DPY19L2: variants seen among roughly 807,000 people sequenced by gnomAD.
The protein encoded by DPY19L2 is probable C-mannosyltransferase DPY19L2.
In DPY19L2, 34 loss-of-function variants were observed where a neutral mutation model predicts 97.9. That is an observed-to-expected ratio of 0.35 (90% confidence interval 0.26 to 0.46). The LOEUF is 0.46. DPY19L2 is among the 20% of genes least tolerant of loss of function. The probability of loss-of-function intolerance (pLI) is 1.00; values close to 1 mark genes in which losing one functional copy is unlikely to be tolerated. For missense variants in DPY19L2, 623 were observed against 911.4 expected (o/e 0.68, Z 4.07); for synonymous variants, 230 against 307.9 (o/e 0.75, Z 2.65).
At chr12:63,652,153 A>G (rs1448369471) in intron 4 of DPY19L2, among the ~76,000 whole-genome samples, 4 of 152,202 alleles carry the variant, frequency 2.6e-5, no homozygotes, top group Non-Finnish European at 5.9e-5. Context: ...TCAAAATCAG[A>G]TATTTATGTG....
chr12:63,665,884 T>C (rs892418199), intron 1 of DPY19L2, 25 bp from the exon 2 acceptor site: 16 of 1,570,252 alleles, frequency 1.0e-5, no homozygotes, highest in Non-Finnish European at 1.2e-5. Context: ...AAAAGGAAAG[T>C]CATTAATAGC....
At chr12:63,629,311 A>C (rs1245230087) in intron 6 of DPY19L2, among the ~76,000 whole-genome samples, 1 of 151,838 alleles carries the variant, frequency 6.6e-6, no homozygotes, top group Admixed American at 6.6e-5. Context: ...GAAGTTAAAA[A>C]CCTTGAAAAA....
Position 63,583,830 on chromosome 12 carries a change from C to G in DPY19L2, c.1587G>C (p.Gln529His), listed in dbSNP as rs150872693. ...VLATNIYLRK[Q>H]LLEHSELAFH... is the part of the protein sequence containing the mutation. ...GCTTTACCTCACTGTGTTCAAGGAG[C>G]TGTTTTCTAGAATAAAACAAAAATA... The change falls in exon 17 of 22, where the codon CAG (glutamine) becomes CAC (histidine). Residue 529 changes from glutamine to histidine, a missense_variant. Gln to His is a conservative substitution (Grantham distance 24). This residue lies in a region of DPY19L2 where 294 missense variants were observed against 446.2 expected (regional missense o/e 0.66). Coordinates refer to ENST00000324472, the MANE Select transcript of DPY19L2 (RefSeq NM_173812.5). The G allele has an allele frequency of 1.2e-6, 2 of 1,610,794 alleles. No homozygotes were observed. The highest frequency in any genetic ancestry group is 1.3e-5 in the African/African-American group (1 of 74,824).
chr12:63,636,301 C>T (rs551064799), intron 6 of DPY19L2, among the ~76,000 whole-genome samples: 326 of 152,230 alleles, frequency 2.1e-3, no homozygotes, highest in African/African-American at 7.6e-3. Context: ...AAGGAACAAC[C>T]GATACCAGCC....
At position 63,584,337 on chromosome 12, in the gene DPY19L2, AGTT is replaced by A. The variant is rs201207106; in HGVS notation, c.1581-504_1581-502del. ...ACATAAATATTTTTAGTTTCAGAAA[AGTT>A]GTCCCTTTACAAAATATTTATAGTA... On this transcript the variant is annotated intron_variant, in intron 16 of 21. Transcript: ENST00000324472. Among the ~76,000 whole-genome samples the A allele has an allele frequency of 9.9e-3, 1,500 of 152,272 alleles. 17 individuals are homozygous for A. The highest frequency in any genetic ancestry group is 0.034 in the African/African-American group (1,407 of 41,554).
chr12:63,663,725 C>T (rs1423278213), intron 3 of DPY19L2, 33 bp downstream of exon 3: 1 of 1,562,846 alleles, frequency 6.4e-7, no homozygotes, highest in Non-Finnish European at 8.7e-7. Context: ...ATTCTTAAAC[C>T]ACAAATTAAT....
intron 16 of DPY19L2, among the ~76,000 whole-genome samples, 157 bp downstream of exon 16, chr12:63,593,930 A>G (rs1883643650): frequency 6.6e-6 from 1 of 152,184 alleles, no homozygotes; most frequent in Admixed American, 6.5e-5. Flanking sequence ...AATCTGTAAG[A>G]ATAATATTTT....
chr12:63,589,460 T>C (rs1373434062), intron 16 of DPY19L2, among the ~76,000 whole-genome samples: 1 of 129,030 alleles, frequency 7.8e-6, no homozygotes, highest in East Asian at 2.4e-4. Flanking sequence ...TCAAGTACAA[T>C]GAGAATTGAT....
chr12:63,568,236 C>G lies in DPY19L2; in HGVS notation c.2126+988G>C, dbSNP rs372452587. ...TCTATCTTCAAATTCACTGCATTTTCTGTTCAAATGTTCTGTTTTCATCTC... is the reference window on the plus strand; with the variant it reads ...TCTATCTTCAAATTCACTGCATTTTGTGTTCAAATGTTCTGTTTTCATCTC... On this transcript the variant is annotated intron_variant, in intron 21 of 21. Coordinates refer to ENST00000324472, the MANE Select transcript of DPY19L2 (RefSeq NM_173812.5). Among the ~76,000 whole-genome samples, 21 of 152,048 alleles carry G rather than the reference C, an allele frequency of 1.4e-4. 1 individual carries two copies. In the South Asian group the frequency reaches 4.1e-3, roughly 30 times the overall value.
At chr12:63,610,592 A>ATAAC (rs1474899768) in intron 11 of DPY19L2, among the ~76,000 whole-genome samples, 2 of 151,504 alleles carry the variant, frequency 1.3e-5, no homozygotes, top group Non-Finnish European at 1.5e-5. Context: ...CAACAGATCT[A>ATAAC]TAACTAATAA....
chr12:63,604,977 GCAGA>G (rs1199216509), intron 12 of DPY19L2, among the ~76,000 whole-genome samples: 1 of 152,060 alleles, frequency 6.6e-6, no homozygotes, highest in African/African-American at 2.4e-5. Context: ...TTCTATTTCA[GCAGA>G]CAGTCACTTT....
chr12:63,581,557 C>T (rs1171669425), intron 18 of DPY19L2, among the ~76,000 whole-genome samples: 2 of 143,422 alleles, frequency 1.4e-5, no homozygotes, highest in African/African-American at 5.2e-5. Flanking sequence ...GACCTCAGCT[C>T]ACTTCGACCT....
At chr12:63,572,754 T>C (rs1343052479) in intron 19 of DPY19L2, among the ~76,000 whole-genome samples, 3 of 151,830 alleles carry the variant, frequency 2.0e-5, no homozygotes, top group Non-Finnish European at 2.9e-5. Flanking sequence ...AGAGACTCCA[T>C]ATGGGAGAGA....
At chr12:63,616,810 C>T (rs555295202) in intron 11 of DPY19L2, among the ~76,000 whole-genome samples, 2 of 152,230 alleles carry the variant, frequency 1.3e-5, no homozygotes, top group Non-Finnish European at 2.9e-5. Flanking sequence ...GTCACACCAT[C>T]GTTTGAGCAA....
intron 4 of DPY19L2, among the ~76,000 whole-genome samples, chr12:63,656,101 ACTGT>A (rs1285180874): frequency 6.6e-6 from 1 of 152,102 alleles, no homozygotes; most frequent in Non-Finnish European, 1.5e-5. Flanking sequence ...AAATTTGAAG[ACTGT>A]CTGGCTTTTG....
chr12:63,665,039 C>T (rs1365824777), intron 2 of DPY19L2, among the ~76,000 whole-genome samples: 2 of 137,700 alleles, frequency 1.5e-5, no homozygotes, highest in African/African-American at 7.1e-5. Context: ...TTTTTATAAA[C>T]ACTTTTGTAA....
At chr12:63,624,503 G>T (rs2137837432) in intron 7 of DPY19L2, among the ~76,000 whole-genome samples, 1 of 152,172 alleles carries the variant, frequency 6.6e-6, no homozygotes, top group African/African-American at 2.4e-5. Context: ...ATATATGCAT[G>T]CCAAGACAAA....
intron 6 of DPY19L2, among the ~76,000 whole-genome samples, chr12:63,636,150 A>G (rs1036251368): frequency 2.0e-5 from 3 of 152,166 alleles, no homozygotes; most frequent in African/African-American, 7.2e-5. Flanking sequence ...AGAATTTTCA[A>G]CCCAGAATTT....
intron 21 of DPY19L2, among the ~76,000 whole-genome samples, chr12:63,567,163 T>C (rs1216435193): frequency 4.6e-5 from 7 of 152,028 alleles, no homozygotes; most frequent in Non-Finnish European, 8.8e-5. Flanking sequence ...TTCTCCTCCC[T>C]ACCCTTCCCA....
Sources: gnomAD v4.1 joint callset for allele counts (sites outside exome capture counted in the v4.1 genomes callset) on GRCh38, gnomAD v4.1.1 for gene constraint, gnomAD v4.1.1 regional missense constraint, MANE v1.5 for transcripts, NCBI Gene and HGNC (gene_info 2026-07-23, HGNC 2026-07-21) for gene names.